Variants in UGGT1 observed in about 807,000 individuals in gnomAD.
The protein encoded by UGGT1 is UDP-glucose:glycoprotein glucosyltransferase 1.
UGGT1 carries 107 observed loss-of-function variants against 203.9 expected under a neutral mutation model. That is an observed-to-expected ratio of 0.52 (90% confidence interval 0.45 to 0.62). The LOEUF (loss-of-function observed/expected upper bound fraction) is 0.62, where lower values mean the gene tolerates loss of function less well. UGGT1 is among the 20% of genes least tolerant of loss of function. The probability of loss-of-function intolerance (pLI) is 0.00; values close to 1 mark genes in which losing one functional copy is unlikely to be tolerated. For missense variants in UGGT1, 1,673 were observed against 1,867.2 expected, an observed-to-expected ratio of 0.90 and a Z score of 1.92; for synonymous variants, 628 against 653.5, an observed-to-expected ratio of 0.96 and a Z score of 0.59.
chr2:128,146,439 G>A (rs1343889226), intron 18 of UGGT1, among the ~76,000 whole-genome samples: 3 of 152,218 alleles, frequency 2.0e-5, no homozygotes, highest in African/African-American at 7.2e-5. Context: ...TAAATAACTA[G>A]TATTATTGAT....
In UGGT1 at chr2:128,091,255, G is replaced by T; in HGVS notation, c.-103G>T. On this transcript the variant is annotated 5_prime_UTR_variant, in exon 1 of 41. Transcript: ENST00000259253. ...TTGAGTCGAGCCGCGGGAAAGGCGC[G>T]TGTCGGCCTCTCACTGGCGCAGCCT... 8.0e-7 allele frequency: 1 copy of T among 1,250,284 alleles called. No homozygotes were observed. The highest frequency in any genetic ancestry group is 2.8e-4 in the Middle Eastern group (1 of 3,530). The allele number at this position is 1,250,284 out of a possible 1,614,324, so 77.4% of individuals were successfully genotyped here.
chr2:128,100,491 C>G (rs965146937), intron 2 of UGGT1, among the ~76,000 whole-genome samples: 1 of 152,060 alleles, frequency 6.6e-6, no homozygotes, highest in African/African-American at 2.4e-5. Context: ...ACCGCAACCT[C>G]TGCCTCCCAG....
At chr2:128,124,703 T>A (rs1479848450) in intron 11 of UGGT1, among the ~76,000 whole-genome samples, 3 of 152,010 alleles carry the variant, frequency 2.0e-5, no homozygotes, top group Non-Finnish European at 4.4e-5. Flanking sequence ...AAAAAAACAC[T>A]TTCTGGTAAG....
chr2:128,130,483 C>A (rs1361234621), intron 13 of UGGT1, among the ~76,000 whole-genome samples: 2 of 152,092 alleles, frequency 1.3e-5, no homozygotes, highest in African/African-American at 2.4e-5. Context: ...TTGTTAATGT[C>A]ATTTGCTTTT....
rs750387879 is a variant in UGGT1, at chr2:128,178,534, C to T, written c.3780C>T (p.Ser1260=). 86 of 1,613,352 alleles carry T rather than the reference C, an allele frequency of 5.3e-5. No homozygotes were observed. Among genetic ancestry groups the T allele is most frequent in the Non-Finnish European group, 6.5e-5 (77 of 1,179,956 alleles). The change falls in exon 34 of 41, where the codon TCC becomes TCT. Residue 1260 remains serine (S), a synonymous_variant. Coordinates refer to ENST00000259253, the MANE Select transcript of UGGT1 (RefSeq NM_020120.4). ...AAGATGACATAATTAATATTTTCTC[C>T]GTTGCATCTGGTCATCTCTACGAAA... ...QDKDDIINIF[S]VASGHLYERF...
chr2:128,151,179 G>T, intron 18 of UGGT1: 1 of 498,442 alleles, frequency 2.0e-6, no homozygotes, highest in Non-Finnish European at 3.8e-6. Context: ...CTGCAGCCAG[G>T]GGTCCCTTCC....
chr2:128,092,272 A>G (rs929010886), intron 1 of UGGT1, among the ~76,000 whole-genome samples: 7 of 151,184 alleles, frequency 4.6e-5, no homozygotes, highest in Non-Finnish European at 8.8e-5. Flanking sequence ...ATTTAGCAAC[A>G]CTTGACTTGC....
At position 128,156,378 on chromosome 2, in the gene UGGT1, T is replaced by TTACC. The variant is rs776923228; in HGVS notation, c.2237-12_2237-9dup. The TTACC allele has an allele frequency of 1.3e-6, 2 of 1,585,894 alleles. No individual in the cohort carries two copies. The highest frequency in any genetic ancestry group is 2.2e-5 in the South Asian group (2 of 89,752). ...ATACTTTTTTTCTACTCTTTTCTCTTTACCTTTGTTCAGGAATGTCCTCCA... is the reference window on the plus strand; with the variant it reads ...ATACTTTTTTTCTACTCTTTTCTCTTTACCTACCTTTGTTCAGGAATGTCCTCCA... On this transcript the variant is annotated splice_polypyrimidine_tract_variant and intron_variant, in intron 20 of 40. Coordinates refer to ENST00000259253, the MANE Select transcript of UGGT1 (RefSeq NM_020120.4).
intron 8 of UGGT1, among the ~76,000 whole-genome samples, chr2:128,118,554 C>T (rs1299724585): frequency 5.9e-5 from 9 of 152,136 alleles, no homozygotes; most frequent in Admixed American, 5.9e-4. Context: ...TGTGAGCTAC[C>T]ACTCCCAGCT....
At chr2:128,145,127 C>G (rs992009665) in intron 17 of UGGT1, among the ~76,000 whole-genome samples, 3 of 152,110 alleles carry the variant, frequency 2.0e-5, no homozygotes, top group African/African-American at 7.2e-5. Context: ...CCCCACAAAC[C>G]TTGTTTTGTT....
intron 6 of UGGT1, among the ~76,000 whole-genome samples, chr2:128,114,268 C>T (rs894432187): frequency 6.6e-6 from 1 of 151,926 alleles, no homozygotes. Flanking sequence ...CAGGCACTCA[C>T]CATCATGCCG....
intron 18 of UGGT1, among the ~76,000 whole-genome samples, chr2:128,147,265 A>G (rs777407470): frequency 3.9e-5 from 6 of 152,220 alleles, no homozygotes; most frequent in Non-Finnish European, 8.8e-5. Context: ...GTCAACTAAA[A>G]TCTGCTATTG....
chr2:128,125,325 T>C (rs145204599), intron 11 of UGGT1, among the ~76,000 whole-genome samples: 145 of 152,166 alleles, frequency 9.5e-4, no homozygotes, highest in Middle Eastern at 3.4e-3. Flanking sequence ...GGGAAATCAG[T>C]TGGGGGGCTG....
chr2:128,097,927 T>C (rs111826737), intron 2 of UGGT1, among the ~76,000 whole-genome samples: 26,162 of 152,154 alleles, frequency 0.17, 2,674 homozygotes, highest in South Asian at 0.32. Flanking sequence ...AGTGGTGAGA[T>C]CTTGGCTCAC....
chr2:128,138,057 AGT>A (rs1212075879), intron 15 of UGGT1, among the ~76,000 whole-genome samples: 8 of 152,324 alleles, frequency 5.3e-5, no homozygotes, highest in South Asian at 2.1e-4. Flanking sequence ...TTACTTTGAA[AGT>A]GTGAAAATTT....
In UGGT1 at chr2:128,129,134, C is replaced by T; in HGVS notation, c.1332C>T (p.Pro444=). The change falls in exon 13 of 41, where the codon CCC becomes CCT. Residue 444 remains proline, a synonymous_variant. Transcript: ENST00000259253. ...ATGTTTTGAAGCTGAACATCCAGCCCTCTGAGGCAGACTATGCCGTAGACA... is the reference window on the plus strand; with the variant it reads ...ATGTTTTGAAGCTGAACATCCAGCCTTCTGAGGCAGACTATGCCGTAGACA... ...LHNVLKLNIQ[P]SEADYAVDIR... The T allele has an allele frequency of 6.2e-7, 1 of 1,614,046 alleles. No individual in the cohort carries two copies. Among genetic ancestry groups the T allele is most frequent in the South Asian group, 1.1e-5 (1 of 91,070 alleles).
chr2:128,093,654 C>T (rs149536879), intron 1 of UGGT1, among the ~76,000 whole-genome samples: 1 of 152,324 alleles, frequency 6.6e-6, no homozygotes, highest in African/African-American at 2.4e-5. Flanking sequence ...CAGTCTGAGT[C>T]TGCACAGAGT....
chr2:128,183,713 T>C lies in UGGT1; in HGVS notation c.4283T>C (p.Ile1428Thr). ...YVVDLKKFRK[I>T]AAGDRLRGQY... The stretch of plus-strand genomic sequence containing the variant: ...GTGGATCTGAAGAAGTTTAGGAAAA[T>C]AGCTGCTGGTGACAGACTCAGGGGA... Residue 1428 changes from isoleucine to threonine, a missense_variant, in exon 38 of 41, where the codon ATA (isoleucine) becomes ACA (threonine). Physicochemically the swap from Ile to Thr is moderately conservative, Grantham distance 89. Around this residue, in one of 4 missense-constraint regions of UGGT1, gnomAD observed 513 missense variants for 684.1 expected, o/e 0.75. Transcript: ENST00000259253. 6.2e-7 allele frequency: 1 copy of C among 1,614,068 alleles called. No homozygotes were observed. Among genetic ancestry groups the C allele is most frequent in the Non-Finnish European group, 8.5e-7 (1 of 1,179,942 alleles).
chr2:128,130,832 C>A (rs1573542973), intron 13 of UGGT1, among the ~76,000 whole-genome samples: 1 of 151,924 alleles, frequency 6.6e-6, no homozygotes, highest in East Asian at 1.9e-4. Flanking sequence ...CACTATGTTG[C>A]CCAGGCTGGA....
Sources: gnomAD v4.1 joint callset for allele counts (sites outside exome capture counted in the v4.1 genomes callset) on GRCh38, gnomAD v4.1.1 for gene constraint, gnomAD v4.1.1 regional missense constraint, MANE v1.5 for transcripts, NCBI Gene and HGNC (gene_info 2026-07-23, HGNC 2026-07-21) for gene names.